The following USP31 variants were observed in gnomAD, a reference collection of about 807,000 sequenced individuals.
USP31 encodes the protein ubiquitin specific peptidase 31.
In USP31, 44 loss-of-function variants were observed where a neutral mutation model predicts 119.4. That is an observed-to-expected ratio of 0.37 (90% CI 0.29 to 0.47). The LOEUF is 0.47. Ranked by LOEUF, USP31 falls within the 20% of genes least tolerant of loss-of-function variation. USP31 has a pLI of 0.99. For missense variants in USP31, 1,643 were observed against 1,730.2 expected, an observed-to-expected ratio of 0.95 and a Z score of 0.89; for synonymous variants, 749 against 705.6, an observed-to-expected ratio of 1.06 and a Z score of -0.97.
chr16:23,097,072 T>G (rs1177811918), intron 6 of USP31, among the ~76,000 whole-genome samples: 1 of 150,468 alleles, frequency 6.6e-6, no homozygotes, highest in Non-Finnish European at 1.5e-5. Flanking sequence ...TTTGAAAAGA[T>G]CAACAAAATT....
chr16:23,146,393 G>A (rs1020533150), intron 1 of USP31, among the ~76,000 whole-genome samples: 2 of 151,976 alleles, frequency 1.3e-5, no homozygotes, highest in Admixed American at 6.6e-5. Flanking sequence ...GGCATGTAGC[G>A]GGCGCCTGTA....
chr16:23,075,903 T>C (rs1334791349), intron 13 of USP31, among the ~76,000 whole-genome samples: 1 of 152,212 alleles, frequency 6.6e-6, no homozygotes, highest in East Asian at 1.9e-4. Context: ...CTGGACAACA[T>C]AGTATAGGCC....
intron 1 of USP31, among the ~76,000 whole-genome samples, chr16:23,136,419 G>A (rs1352115687): frequency 1.3e-5 from 2 of 152,116 alleles, no homozygotes; most frequent in East Asian, 1.9e-4. Flanking sequence ...CTGGGAGGCC[G>A]AGGTGGGTGG....
intron 1 of USP31, 82 bp from the exon 2 acceptor site, chr16:23,108,265 G>T: frequency 7.3e-6 from 11 of 1,503,836 alleles, no homozygotes; most frequent in Non-Finnish European, 8.9e-6. Flanking sequence ...TCGCAAAAGG[G>T]ATGCAAGATC....
In USP31 at chr16:23,067,675, A is replaced by G. The variant is rs1900130093; in HGVS notation, c.*371T>C. 5.9e-6 allele frequency: 1 copy of G among 168,998 alleles called. No individual in the cohort carries two copies. Among genetic ancestry groups the G allele is most frequent in the African/African-American group, 2.4e-5 (1 of 41,712 alleles). 10.5% of individuals were successfully genotyped at this position (168,998 alleles called of 1,614,324 possible). On this transcript the variant is annotated 3_prime_UTR_variant, in exon 16 of 16. Coordinates refer to ENST00000219689, the MANE Select transcript of USP31 (RefSeq NM_020718.4). ...AGTCAGCTCCTTCCTCCTTCTACGC[A>G]CTAATGGTAGCTTTTCTGGTTCACA...
rs778428181 is a variant in USP31 at position 23,082,428 on chromosome 16, A to G, written c.1950+10T>C. ...ACTTGTTTGTTCCTGAGGATAAAGG[A>G]TTTCCATACCTGCCGAAATCTCTTT... On this transcript the variant is annotated intron_variant, in intron 12 of 15. Coordinates refer to ENST00000219689, the MANE Select transcript of USP31 (RefSeq NM_020718.4). The G allele has an allele frequency of 6.2e-5, 100 of 1,613,668 alleles. No individual in the cohort carries two copies. Among genetic ancestry groups the G allele is most frequent in the Non-Finnish European group, 8.2e-5 (97 of 1,179,760 alleles).
intron 1 of USP31, among the ~76,000 whole-genome samples, chr16:23,140,469 C>G (rs1167003057): frequency 6.6e-6 from 1 of 152,132 alleles, no homozygotes; most frequent in East Asian, 1.9e-4. Flanking sequence ...GTGCCAAGGC[C>G]GAGAATCTGC....
chr16:23,069,046 T>C lies in USP31; in HGVS notation c.3059A>G (p.Glu1020Gly), dbSNP rs1477700653. The change falls in exon 16 of 16, where the codon GAG becomes GGG. Residue 1020 changes from glutamate (E) to glycine (G), a missense_variant. Glu to Gly is a moderately conservative substitution (Grantham distance 98). Transcript: ENST00000219689. ...ACTGGGGGATCTCTTAGTTGTGCTC[T>C]CTGGTTTCTTTGCGAGTGAGCCTGG... ...SHPGSLAKKP[E>G]STTKRSPSSK... 2 of 1,613,154 alleles carry C rather than the reference T, an allele frequency of 1.2e-6. No homozygotes were observed. The highest frequency in any genetic ancestry group is 3.3e-5 in the Admixed American group (2 of 60,032).
At chr16:23,087,632 C>T in intron 8 of USP31, 92 bp downstream of exon 8, 1 of 1,221,274 alleles carries the variant, frequency 8.2e-7, no homozygotes, top group Non-Finnish European at 1.2e-6. Flanking sequence ...TCCTGGAAAT[C>T]TAAACACAAG....
At chr16:23,117,240 C>T (rs1902517611) in intron 1 of USP31, among the ~76,000 whole-genome samples, 1 of 152,172 alleles carries the variant, frequency 6.6e-6, no homozygotes, top group Non-Finnish European at 1.5e-5. Context: ...TCCATCATAT[C>T]CATGTTCTCA....
chr16:23,068,781 T>C lies in USP31; in HGVS notation c.3324A>G (p.Ser1108=), dbSNP rs752548170. Residue 1108 remains serine (S), a synonymous_variant, in exon 16 of 16, where the codon TCA becomes TCG. Transcript: ENST00000219689. ...ACTTCTGCTTCTGTGGCGAAGGAGA[T>C]GACACGGAGTCCTGAGATTTCGGGG... is the stretch of plus-strand genomic sequence containing the variant. ...ESSPKSQDSV[S]SPSPQKQKSA... is the part of the protein sequence containing the mutation. 1.9e-6 allele frequency: 3 copies of C among 1,571,152 alleles called. No homozygotes were observed. Among genetic ancestry groups the C allele is most frequent in the Non-Finnish European group, 2.6e-6 (3 of 1,161,082 alleles).
chr16:23,099,676 G>A (rs1901765709), intron 6 of USP31, among the ~76,000 whole-genome samples: 1 of 152,054 alleles, frequency 6.6e-6, no homozygotes, highest in South Asian at 2.1e-4. Context: ...AAAAAAAATA[G>A]ATAAACTGGA....
rs754181777 is a variant in USP31, at chr16:23,106,483, G to A, written c.776C>T (p.Pro259Leu). Residue 259 changes from proline (P) to leucine (L), a missense_variant, in exon 3 of 16, where the codon CCA becomes CTA. By Grantham distance (98) the Pro-to-Leu change is moderately conservative. Coordinates refer to ENST00000219689, the MANE Select transcript of USP31 (RefSeq NM_020718.4). ...KQSGQPPLKP[P>L]SETDMMPEGP... Reference sequence around the variant, plus strand: ...CTCAGGCATCATATCAGTCTCTGATGGTGGCTAAAAAAAAAAGAAAGTACA... The same window carrying A: ...CTCAGGCATCATATCAGTCTCTGATAGTGGCTAAAAAAAAAAGAAAGTACA... 2 of 1,604,052 alleles carry A rather than the reference G, an allele frequency of 1.2e-6. No individual in the cohort carries two copies. The highest frequency in any genetic ancestry group is 2.3e-5 in the South Asian group (2 of 88,378).
intron 6 of USP31, among the ~76,000 whole-genome samples, chr16:23,100,692 G>A (rs1423079414): frequency 6.6e-6 from 1 of 152,176 alleles, no homozygotes; most frequent in Non-Finnish European, 1.5e-5. Flanking sequence ...GGTGAGCCAA[G>A]ATCATGCCAC....
chr16:23,107,836 A>G (rs1375998368), intron 2 of USP31, among the ~76,000 whole-genome samples: 6 of 152,230 alleles, frequency 3.9e-5, no homozygotes, highest in African/African-American at 4.8e-5. Flanking sequence ...TCATTAGACT[A>G]TAAATTCCTT....
intron 12 of USP31, 136 bp from the exon 13 acceptor site, chr16:23,080,307 C>T: frequency 1.4e-6 from 1 of 730,538 alleles, no homozygotes; most frequent in Non-Finnish European, 2.2e-6. Context: ...ACATACAAAT[C>T]AGGGAAACAG....
At chr16:23,108,503 T>A (rs1020668067) in intron 1 of USP31, among the ~76,000 whole-genome samples, 1 of 152,180 alleles carries the variant, frequency 6.6e-6, no homozygotes, top group Non-Finnish European at 1.5e-5. Context: ...AACTTGGACA[T>A]CTTAAAAAAG....
chr16:23,115,148 C>T (rs1902449532), intron 1 of USP31, among the ~76,000 whole-genome samples: 1 of 152,108 alleles, frequency 6.6e-6, no homozygotes, highest in African/African-American at 2.4e-5. Flanking sequence ...TCCAAGAGTC[C>T]CGGAAAGTGA....
At chr16:23,095,239 G>A (rs1901550073) in intron 6 of USP31, among the ~76,000 whole-genome samples, 1 of 152,194 alleles carries the variant, frequency 6.6e-6, no homozygotes, top group Admixed American at 6.5e-5. Context: ...GTGGAAGAAA[G>A]GGTATCAGTG....
Sources: gnomAD v4.1 joint callset for allele counts (sites outside exome capture counted in the v4.1 genomes callset) on GRCh38, gnomAD v4.1.1 for gene constraint, MANE v1.5 for transcripts, NCBI Gene and HGNC (gene_info 2026-07-23, HGNC 2026-07-21) for gene names.